The following UBAP2 variants were observed in gnomAD, a reference collection of about 807,000 sequenced individuals.
The protein encoded by UBAP2 is ubiquitin-associated protein 2.
UBAP2 carries 75 observed loss-of-function variants against 139.6 expected under a neutral mutation model. The observed-to-expected ratio is 0.54, with a 90% CI of 0.45 to 0.65. The LOEUF (loss-of-function observed/expected upper bound fraction) is 0.65. Among genes scored for constraint, UBAP2 ranks in the 30% least tolerant of loss-of-function variants. The pLI is 0.00. For synonymous variants in UBAP2, 526 were observed against 526.2 expected (o/e 1.00, Z 0.01); for missense variants, 1,368 against 1,369.6 (o/e 1.00, Z 0.02).
At chr9:33,942,727 C>CAAA (rs544848249) in intron 15 of UBAP2, among the ~76,000 whole-genome samples, 8,470 of 133,804 alleles carry the variant, frequency 0.063, 325 homozygotes, top group Non-Finnish European at 0.1. Context: ...GACCCTATCT[C>CAAA]AAAAAAAAAA....
intron 4 of UBAP2, chr9:33,994,756 A>G (rs1822007345): frequency 6.6e-6 from 1 of 152,050 alleles, no homozygotes; most frequent in Non-Finnish European, 1.5e-5. Flanking sequence ...TGCTACACTC[A>G]AACAGTGAAA....
Position 33,933,576 on chromosome 9 carries a change from G to A in UBAP2, c.2022C>T (p.Pro674=). Residue 674 remains proline, a synonymous_variant, in exon 18 of 29, where the codon CCC becomes CCT. Coordinates refer to ENST00000379238, the MANE Select transcript of UBAP2 (RefSeq NM_001370062.2). ...GAAGTGCAGTGCAGGAGGTGGTGCT[G>A]GGCAGGGAGCTCACAGACGGGAGGG... ...PSALPSVSSL[P]STTSCTALLP... The A allele has an allele frequency of 1.2e-6, 2 of 1,614,016 alleles. No individual in the cohort carries two copies. Among genetic ancestry groups the A allele is most frequent in the South Asian group, 1.1e-5 (1 of 91,086 alleles).
intron 1 of UBAP2, among the ~76,000 whole-genome samples, chr9:34,018,749 G>C (rs12377509): frequency 0.079 from 11,975 of 151,982 alleles, 672 homozygotes; most frequent in Non-Finnish European, 0.12. Context: ...TGTAGTCCCA[G>C]CTACTCAGGA....
chr9:34,027,447 T>C (rs1049107097), intron 1 of UBAP2, among the ~76,000 whole-genome samples: 1 of 151,874 alleles, frequency 6.6e-6, no homozygotes, highest in African/African-American at 2.4e-5. Context: ...CCTGGCATAG[T>C]GGCTCATGCC....
intron 18 of UBAP2, 57 bp downstream of exon 18, chr9:33,933,433 G>T (rs1027016916): frequency 1.6e-5 from 26 of 1,586,728 alleles, no homozygotes; most frequent in Non-Finnish European, 2.1e-5. Context: ...CCTTCTACAG[G>T]AGCTCCAGGA....
chr9:34,033,192 T>C (rs989026140), intron 1 of UBAP2, among the ~76,000 whole-genome samples: 6 of 152,160 alleles, frequency 3.9e-5, no homozygotes, highest in African/African-American at 1.4e-4. Context: ...CTGTTTACAA[T>C]AGCTAAGATT....
At chr9:34,009,952 C>A (rs867018188) in intron 2 of UBAP2, among the ~76,000 whole-genome samples, 1 of 151,040 alleles carries the variant, frequency 6.6e-6, no homozygotes, top group African/African-American at 2.4e-5. Context: ...GGATTACAGG[C>A]ATGTGCCACC....
chr9:33,958,836 G>C (rs1484321065), intron 10 of UBAP2, among the ~76,000 whole-genome samples: 1 of 151,368 alleles, frequency 6.6e-6, no homozygotes, highest in Non-Finnish European at 1.5e-5. Flanking sequence ...CTGGCCAACA[G>C]TGCAAGACCT....
intron 1 of UBAP2, among the ~76,000 whole-genome samples, chr9:34,037,353 T>C (rs1365392904): frequency 1.3e-5 from 2 of 152,158 alleles, no homozygotes; most frequent in African/African-American, 4.8e-5. Flanking sequence ...CAGGCTGGTC[T>C]CAAACACCTG....
intron 4 of UBAP2, chr9:33,994,769 T>G (rs1822009650): frequency 6.6e-6 from 1 of 152,234 alleles, no homozygotes; most frequent in African/African-American, 2.4e-5. Flanking sequence ...CAGTGAAATC[T>G]TTTCCACATT....
intron 1 of UBAP2, among the ~76,000 whole-genome samples, chr9:34,031,949 T>C (rs1825928069): frequency 6.6e-6 from 1 of 151,902 alleles, no homozygotes; most frequent in South Asian, 2.1e-4. Flanking sequence ...CCAGCCTGGG[T>C]AACATAGCAA....
At chr9:33,975,727 C>T (rs1828282120) in intron 6 of UBAP2, among the ~76,000 whole-genome samples, 1 of 149,354 alleles carries the variant, frequency 6.7e-6, no homozygotes, top group Non-Finnish European at 1.5e-5. Flanking sequence ...GGCGTGAACC[C>T]GGAGGCGGAG....
intron 2 of UBAP2, among the ~76,000 whole-genome samples, chr9:34,015,766 A>G (rs1824195625): frequency 6.6e-6 from 1 of 151,976 alleles, no homozygotes; most frequent in African/African-American, 2.4e-5. Flanking sequence ...TAGCATCATC[A>G]TAAGTGATCC....
chr9:34,027,358 G>A (rs1188566674), intron 1 of UBAP2, among the ~76,000 whole-genome samples: 2 of 152,142 alleles, frequency 1.3e-5, no homozygotes, highest in Non-Finnish European at 1.5e-5. Context: ...GCGCATGCCT[G>A]TAATCCCAGC....
In UBAP2 at chr9:33,971,804, A is replaced by T; in HGVS notation, c.576-50T>A. On this transcript the variant is annotated intron_variant, in intron 7 of 28. Coordinates refer to ENST00000379238, the MANE Select transcript of UBAP2 (RefSeq NM_001370062.2). The stretch of plus-strand genomic sequence containing the variant: ...TAAAGGCAAAAGAAGCAAACACCTA[A>T]GCCAAAATATTAACCATACATGATC... 1.8e-6 allele frequency: 2 copies of T among 1,096,034 alleles called. 1 individual carries two copies. The highest frequency in any genetic ancestry group is 3.9e-4 in the Middle Eastern group (2 of 5,076). 67.9% of individuals were successfully genotyped at this position (1,096,034 alleles called of 1,614,324 possible). A position where few individuals can be genotyped will look rare whatever the true frequency, so the allele number is the denominator to read the frequency against.
At chr9:34,037,105 C>T (rs918466919) in intron 1 of UBAP2, among the ~76,000 whole-genome samples, 14 of 151,292 alleles carry the variant, frequency 9.3e-5, no homozygotes, top group African/African-American at 3.2e-4. Context: ...TCTCCTGCCT[C>T]GGCCTCCGGA....
chr9:33,981,756 AAGGT>A (rs1217531290), intron 6 of UBAP2, among the ~76,000 whole-genome samples: 3 of 146,238 alleles, frequency 2.1e-5, no homozygotes, highest in African/African-American at 2.5e-5. Flanking sequence ...GGAAGGATGG[AAGGT>A]AGGTAGGTAG....
chr9:33,966,466 A>T (rs1188601232), intron 8 of UBAP2, among the ~76,000 whole-genome samples: 1 of 152,016 alleles, frequency 6.6e-6, no homozygotes, highest in Non-Finnish European at 1.5e-5. Flanking sequence ...GAAAAAAAAT[A>T]AAATAAAAAA....
chr9:33,921,951 TGGAG>T lies in UBAP2; in HGVS notation c.*549_*552del, dbSNP rs1822918826. 6.6e-6 allele frequency: 1 copy of T among 152,506 alleles called. No homozygotes were observed. The highest frequency in any genetic ancestry group is 1.5e-5 in the Non-Finnish European group (1 of 68,618). 9.4% of individuals were successfully genotyped at this position (152,506 alleles called of 1,614,324 possible). A position where few individuals can be genotyped will look rare whatever the true frequency, so the allele number is the denominator to read the frequency against. ...AGACAAACAGGTGGCCATACTTGGG[TGGAG>T]GGATACCGCTGCTATTCCCAGATGA... On this transcript the variant is annotated 3_prime_UTR_variant, in exon 29 of 29. Transcript: ENST00000379238.
Sources: gnomAD v4.1 joint callset for allele counts (sites outside exome capture counted in the v4.1 genomes callset) on GRCh38, gnomAD v4.1.1 for gene constraint, MANE v1.5 for transcripts, NCBI Gene and HGNC (gene_info 2026-07-23, HGNC 2026-07-21) for gene names.